USP10: variants seen among roughly 807,000 people sequenced by gnomAD.
USP10 encodes the protein ubiquitin specific peptidase 10, also known as ubiquitin carboxyl-terminal hydrolase 10.
A neutral mutation model predicts 84.5 loss-of-function variants in USP10; 22 were observed. The observed-to-expected ratio is 0.26, with a 90% CI of 0.19 to 0.37. USP10 has a LOEUF of 0.37. Ranked by LOEUF, USP10 falls within the 10% of genes least tolerant of loss-of-function variation. USP10 has a pLI of 1.00. For synonymous variants in USP10, 454 were observed against 387.6 expected, an observed-to-expected ratio of 1.17 and a Z score of -2.01; for missense variants, 1,019 against 998.9, an observed-to-expected ratio of 1.02 and a Z score of -0.27.
intron 3 of USP10, among the ~76,000 whole-genome samples, chr16:84,742,067 TTTTTAATTTTTTTATA>T (rs1910691208): frequency 6.6e-6 from 1 of 152,126 alleles, no homozygotes; most frequent in African/African-American, 2.4e-5. Context: ...ATTTTTGTGT[TTTTTAATTTTTTTATA>T]TTTTAATTTT....
At chr16:84,700,656 A>G (rs1037705027) in intron 1 of USP10, among the ~76,000 whole-genome samples, 30 of 152,332 alleles carry the variant, frequency 2.0e-4, no homozygotes, top group Admixed American at 1.6e-3. Flanking sequence ...GAAGTAGCAG[A>G]GTAGCGGCCT....
intron 12 of USP10, among the ~76,000 whole-genome samples, chr16:84,774,760 T>C (rs147942885): frequency 6.3e-4 from 96 of 152,328 alleles, no homozygotes; most frequent in African/African-American, 1.6e-3. Context: ...TGAGCCACCG[T>C]GCCTGGCCTG....
rs1555548055 is a variant in USP10 at position 84,764,939 on chromosome 16, A to ATATATATATATATAT, written c.1832+676_1832+677insTATATATATATATAT. On this transcript the variant is annotated intron_variant, in intron 10 of 13. Coordinates refer to ENST00000219473, the MANE Select transcript of USP10 (RefSeq NM_005153.3). ...TAACCACGAGAGAGAGAGAAAAAAA[A>ATATATATATATATAT]ATATATATATATATATTAGACTTCA... Among the ~76,000 whole-genome samples the ATATATATATATATAT allele has an allele frequency of 1.1e-4, 14 of 132,268 alleles. No individual in the cohort carries two copies. The East Asian group carries it at 2.2e-3, about 21-fold the overall frequency. The allele number at this position is 132,268 out of a possible 152,430, so 86.8% of individuals were successfully genotyped here.
intron 9 of USP10, among the ~76,000 whole-genome samples, chr16:84,763,673 G>C (rs1913471961): frequency 6.6e-6 from 1 of 152,266 alleles, no homozygotes; most frequent in Admixed American, 6.5e-5. Flanking sequence ...AGGATCCAGT[G>C]GTGGTGCACC....
chr16:84,715,038 C>T (rs896796298), intron 1 of USP10, among the ~76,000 whole-genome samples: 3 of 151,618 alleles, frequency 2.0e-5, no homozygotes, highest in Admixed American at 6.6e-5. Context: ...AAGCGATTCT[C>T]CTGCCTCAGC....
At position 84,700,102 on chromosome 16, in the gene USP10, C is replaced by T; in HGVS notation, c.12C>T (p.His4=). The part of the protein sequence containing the change: MAL[H]SPQYIFGDFS... ...TGAAACGGGCAGCCATGGCCCTCCA[C>T]AGCCCGCAGGTAGCCGCCGGTCTGC... Residue 4 remains histidine (H), a synonymous_variant, in exon 1 of 14, where the codon CAC becomes CAT. Transcript: ENST00000219473. 2 of 1,358,648 alleles carry T rather than the reference C, an allele frequency of 1.5e-6. No homozygotes were observed. The highest frequency in any genetic ancestry group is 1.9e-6 in the Non-Finnish European group (2 of 1,034,688). 84.2% of individuals were successfully genotyped at this position (1,358,648 alleles called of 1,614,324 possible).
intron 10 of USP10, among the ~76,000 whole-genome samples, chr16:84,766,414 G>A (rs950568023): frequency 3.3e-5 from 5 of 152,376 alleles, no homozygotes; most frequent in East Asian, 3.9e-4. Flanking sequence ...CTTGGGACAC[G>A]TCGTGTTGGG....
chr16:84,710,374 T>C (rs779564834), intron 1 of USP10, among the ~76,000 whole-genome samples: 2 of 152,034 alleles, frequency 1.3e-5, no homozygotes, highest in Non-Finnish European at 2.9e-5. Context: ...CTCTCCTCCA[T>C]AGCTGGGACT....
intron 2 of USP10, 76 bp from the exon 3 acceptor site, chr16:84,740,233 G>C (rs1237790675): frequency 4.5e-6 from 6 of 1,331,188 alleles, no homozygotes; most frequent in Non-Finnish European, 6.4e-6. Flanking sequence ...TTAATGAATT[G>C]TTGCCTTAAT....
chr16:84,747,413 T>C (rs1483092531), intron 4 of USP10, among the ~76,000 whole-genome samples: 2 of 152,188 alleles, frequency 1.3e-5, no homozygotes, highest in East Asian at 1.9e-4. Flanking sequence ...GCAATGTATA[T>C]ATATTTTTAA....
chr16:84,778,798 C>T, intron 13 of USP10, 97 bp from the exon 14 acceptor site: 1 of 1,234,626 alleles, frequency 8.1e-7, no homozygotes, highest in Non-Finnish European at 1.1e-6. Flanking sequence ...AGGGGTTTTA[C>T]ACATAGGATG....
intron 1 of USP10, among the ~76,000 whole-genome samples, chr16:84,712,704 C>T (rs1053135451): frequency 6.6e-6 from 1 of 152,184 alleles, no homozygotes; most frequent in Non-Finnish European, 1.5e-5. Context: ...ATTGTCATTT[C>T]TGCATTTAGA....
chr16:84,748,883 A>C (rs979100417), intron 4 of USP10, among the ~76,000 whole-genome samples: 1 of 152,210 alleles, frequency 6.6e-6, no homozygotes, highest in African/African-American at 2.4e-5. Context: ...CAGTCCACGT[A>C]ATTATTTTTG....
chr16:84,707,775 T>C (rs1330377370), intron 1 of USP10, among the ~76,000 whole-genome samples: 2 of 152,154 alleles, frequency 1.3e-5, no homozygotes, highest in East Asian at 3.9e-4. Context: ...ATTTTTTTTT[T>C]TCTTAAGAAA....
intron 4 of USP10, among the ~76,000 whole-genome samples, chr16:84,749,043 TAGAC>T (rs756946420): frequency 4.6e-5 from 7 of 152,342 alleles, no homozygotes; most frequent in Non-Finnish European, 8.8e-5. Flanking sequence ...GAGGCTTCGA[TAGAC>T]AGAACGTAGT....
intron 10 of USP10, among the ~76,000 whole-genome samples, chr16:84,766,485 C>A (rs187564251): frequency 1.3e-5 from 2 of 152,368 alleles, no homozygotes; most frequent in Admixed American, 6.5e-5. Flanking sequence ...CCCTTTGCTC[C>A]TTCAGCCCAG....
chr16:84,752,754 C>T (rs956503634), intron 4 of USP10, among the ~76,000 whole-genome samples: 3 of 152,080 alleles, frequency 2.0e-5, no homozygotes, highest in South Asian at 2.1e-4. Flanking sequence ...AAGAGGAGCT[C>T]ACGAACTTCA....
At chr16:84,728,064 TC>T (rs1200199579) in intron 1 of USP10, among the ~76,000 whole-genome samples, 1 of 152,188 alleles carries the variant, frequency 6.6e-6, no homozygotes, top group Non-Finnish European at 1.5e-5. Context: ...CAGCAGTTTC[TC>T]CTCCCCTCTT....
chr16:84,704,972 G>T, intron 1 of USP10: 2 of 1,440,968 alleles, frequency 1.4e-6, no homozygotes, highest in Non-Finnish European at 1.9e-6. Context: ...TGGAGTGCGG[G>T]CCCAGCACCT....
Sources: gnomAD v4.1 joint callset for allele counts (sites outside exome capture counted in the v4.1 genomes callset) on GRCh38, gnomAD v4.1.1 for gene constraint, MANE v1.5 for transcripts, NCBI Gene and HGNC (gene_info 2026-07-23, HGNC 2026-07-21) for gene names.